The following PWP1 variants were observed in gnomAD, a reference collection of about 807,000 sequenced individuals.
PWP1 encodes periodic tryptophan protein 1 homolog.
A neutral mutation model predicts 69.9 loss-of-function variants in PWP1; 47 were observed. The observed-to-expected ratio is 0.67, with a 90% confidence interval of 0.53 to 0.86. The LOEUF (loss-of-function observed/expected upper bound fraction) is 0.86, where lower values mean the gene tolerates loss of function less well. PWP1 is among the 40% of genes least tolerant of loss of function. PWP1 has a pLI of 0.00. For synonymous variants in PWP1, 222 were observed against 208.2 expected (o/e 1.07, Z -0.57); for missense variants, 551 against 608.8 (o/e 0.91, Z 1.00).
Position 107,688,449 on chromosome 12 carries a change from T to G in PWP1, c.74T>G (p.Val25Gly), listed in dbSNP as rs1253688209. The stretch of plus-strand genomic sequence containing the variant: ...AATGAAATCTTTGCTCTCTTACAGG[T>G]AGAGCTGAGTAAAGAAGAAGTAAAA... ...CGVAKETPDK[V>G]ELSKEEVKRL... Residue 25 changes from valine to glycine, a missense_variant and splice_region_variant, in exon 2 of 15, where the codon GTA becomes GGA. Transcript: ENST00000412830. The G allele has an allele frequency of 6.8e-6, 11 of 1,613,500 alleles. No individual in the cohort carries two copies. The highest frequency in any genetic ancestry group is 8.5e-6 in the Non-Finnish European group (10 of 1,179,774).
At chr12:107,699,506 ATCTC>A in intron 8 of PWP1, 72 bp downstream of exon 8, 1 of 1,237,562 alleles carries the variant, frequency 8.1e-7, no homozygotes, top group Non-Finnish European at 1.2e-6. Flanking sequence ...GCCTACACTC[ATCTC>A]TTTATTTGTG....
Position 107,685,951 on chromosome 12 carries a change from G to A in PWP1, c.52G>A (p.Ala18Thr). The A allele has an allele frequency of 6.2e-7, 1 of 1,613,926 alleles. No homozygotes were observed. Residue 18 changes from alanine (A) to threonine (T), a missense_variant, in exon 1 of 15, where the codon GCC becomes ACC. Physicochemically the swap from Ala to Thr is moderately conservative, Grantham distance 58. Coordinates refer to ENST00000412830, the MANE Select transcript of PWP1 (RefSeq NM_007062.3). The part of the protein sequence containing the change: ...TCVAWVRCGV[A>T]KETPDKVELS... ...CGTGGCCTGGGTCCGCTGCGGCGTG[G>A]CCAAAGAGACACCAGACAAGGTGAG...
rs761273638 is a variant in PWP1 at position 107,696,603 on chromosome 12, G to A, written c.613+19G>A. On this transcript the variant is annotated intron_variant, in intron 6 of 14. Coordinates refer to ENST00000412830, the MANE Select transcript of PWP1 (RefSeq NM_007062.3). ...TCTACTGGTAATTAGAAAACTTAAG[G>A]TTGTTCAATGATTTCCAGTCTTATG... is the stretch of plus-strand genomic sequence containing the variant. 12 of 1,613,042 alleles carry A rather than the reference G, an allele frequency of 7.4e-6. No homozygotes were observed. Among genetic ancestry groups the A allele is most frequent in the Non-Finnish European group, 1.0e-5 (12 of 1,179,730 alleles).
intron 3 of PWP1, among the ~76,000 whole-genome samples, chr12:107,689,217 G>A (rs1363624942): frequency 6.6e-6 from 1 of 152,158 alleles, no homozygotes; most frequent in African/African-American, 2.4e-5. Context: ...ACAGTCAACT[G>A]CAGTCTGAAA....
At chr12:107,695,628 T>G (rs1312237598) in intron 5 of PWP1, among the ~76,000 whole-genome samples, 2 of 152,230 alleles carry the variant, frequency 1.3e-5, no homozygotes, top group Non-Finnish European at 2.9e-5. Context: ...CTGTGAATAT[T>G]AAGGAGCTGT....
In PWP1 at chr12:107,707,194, G is replaced by C. The variant is rs1448330606; in HGVS notation, c.1078-1732G>C. Among the ~76,000 whole-genome samples the C allele has an allele frequency of 9.4e-4, 142 of 150,798 alleles. 1 individual carries two copies. The highest frequency in any genetic ancestry group is 3.3e-3 in the African/African-American group (132 of 40,576). On this transcript the variant is annotated intron_variant, in intron 11 of 14. Coordinates refer to ENST00000412830, the MANE Select transcript of PWP1 (RefSeq NM_007062.3). The stretch of plus-strand genomic sequence containing the variant: ...ATGGGAGTTCACTCATGATTTGGCT[G>C]TTTGTCTATTATTGGTGTATAAGAA...
intron 3 of PWP1, among the ~76,000 whole-genome samples, chr12:107,692,531 G>A (rs1011242559): frequency 2.0e-5 from 3 of 152,190 alleles, no homozygotes; most frequent in Non-Finnish European, 4.4e-5. Context: ...AGAATCTCAA[G>A]AGAGTTCTCA....
intron 6 of PWP1, among the ~76,000 whole-genome samples, chr12:107,697,184 G>A (rs1435259359): frequency 6.6e-6 from 1 of 152,112 alleles, no homozygotes; most frequent in Non-Finnish European, 1.5e-5. Context: ...TTATATAAAT[G>A]AAAACACTGG....
chr12:107,694,910 C>G (rs1889553087), intron 5 of PWP1, among the ~76,000 whole-genome samples: 1 of 152,060 alleles, frequency 6.6e-6, no homozygotes, highest in Admixed American at 6.5e-5. Flanking sequence ...AATTTATATT[C>G]TAAAACTGAT....
intron 7 of PWP1, chr12:107,697,936 T>TTAA (rs752728105): frequency 2.7e-6 from 1 of 369,808 alleles, no homozygotes; most frequent in Non-Finnish European, 5.2e-6. Context: ...ACCTTGAACT[T>TTAA]TAAAAAAATT....
chr12:107,696,573 A>G lies in PWP1; in HGVS notation c.602A>G (p.Asp201Gly), dbSNP rs767984546. The stretch of plus-strand genomic sequence containing the variant: ...TGGCTGAATTTTGATCCTAGCCCAG[A>G]TGATTCTACTGGTAATTAGAAAACT... The part of the protein sequence containing the change: ...VEWLNFDPSP[D>G]DSTGNYIAVG... The change falls in exon 6 of 15, where the codon GAT (aspartate) becomes GGT (glycine). Residue 201 changes from aspartate to glycine, a missense_variant. By Grantham distance (94) the Asp-to-Gly change is moderately conservative. Transcript: ENST00000412830. 5 of 1,614,120 alleles carry G rather than the reference A, an allele frequency of 3.1e-6. No individual in the cohort carries two copies. The Admixed American group carries it at 6.7e-5, about 22-fold the overall frequency.
At chr12:107,698,811 T>C (rs1889644912) in intron 7 of PWP1, among the ~76,000 whole-genome samples, 1 of 152,176 alleles carries the variant, frequency 6.6e-6, no homozygotes, top group African/African-American at 2.4e-5. Flanking sequence ...TGGGCTGGTC[T>C]CGAACTCCCG....
At chr12:107,709,703 T>G (rs998517108) in intron 13 of PWP1, among the ~76,000 whole-genome samples, 2 of 152,112 alleles carry the variant, frequency 1.3e-5, no homozygotes, top group African/African-American at 4.8e-5. Flanking sequence ...AAATATTTAC[T>G]GAGCACCTAC....
At position 107,697,576 on chromosome 12, in the gene PWP1, G is replaced by T. The variant is rs1435877039; in HGVS notation, c.723G>T (p.Lys241Asn). The T allele has an allele frequency of 1.2e-6, 2 of 1,603,274 alleles. No homozygotes were observed. Among genetic ancestry groups the T allele is most frequent in the Admixed American group, 3.5e-5 (2 of 57,128 alleles). ...VFTLGSKLSK[K>N]KKKKGKKSSS... ...CACTCGGAAGTAAACTTTCAAAAAA[G>T]AAGAAAAAGAAAGGAAAGAAGGTAA... The change falls in exon 7 of 15, where the codon AAG becomes AAT. Residue 241 changes from lysine to asparagine, a missense_variant. Physicochemically the swap from Lys to Asn is moderately conservative, Grantham distance 94 (BLOSUM62 0). Transcript: ENST00000412830.
At chr12:107,704,948 G>A (rs1185469916) in intron 11 of PWP1, among the ~76,000 whole-genome samples, 1 of 151,996 alleles carries the variant, frequency 6.6e-6, no homozygotes, top group African/African-American at 2.4e-5. Flanking sequence ...AAATGATTTT[G>A]CTGGTTGCCG....
chr12:107,688,551 C>G, intron 2 of PWP1, 45 bp downstream of exon 2: 1 of 1,609,956 alleles, frequency 6.2e-7, no homozygotes, highest in Non-Finnish European at 8.5e-7. Context: ...ATGATGATGA[C>G]CATGTGGTCT....
intron 8 of PWP1, among the ~76,000 whole-genome samples, chr12:107,700,637 G>T (rs2136280034): frequency 6.6e-6 from 1 of 152,248 alleles, no homozygotes; most frequent in South Asian, 2.1e-4. Context: ...ATGAATGTGG[G>T]TGTACAAATA....
chr12:107,699,994 A>G (rs1889674372), intron 8 of PWP1, among the ~76,000 whole-genome samples: 1 of 152,058 alleles, frequency 6.6e-6, no homozygotes, highest in Non-Finnish European at 1.5e-5. Context: ...CATGTCTTAT[A>G]TAGTGGCAGG....
Position 107,704,742 on chromosome 12 carries a change from T to C in PWP1, c.1072T>C (p.Phe358Leu). 1 of 1,613,172 alleles carries C rather than the reference T, an allele frequency of 6.2e-7. No individual in the cohort carries two copies. The highest frequency in any genetic ancestry group is 1.1e-5 in the South Asian group (1 of 91,058). ...VTWNHFSPCH[F>L]LASTDDGFVY... ...TTGGAATCACTTTTCACCTTGTCAT[T>C]TCTTGGTAAGAGTACGAATGTTGTT... The change falls in exon 11 of 15, where the codon TTC becomes CTC. Residue 358 changes from phenylalanine to leucine, a missense_variant. Phe to Leu is a conservative substitution (Grantham distance 22, BLOSUM62 0). Transcript: ENST00000412830.
Sources: allele counts gnomAD v4.1 joint callset (sites outside exome capture counted in the v4.1 genomes callset), GRCh38; gene constraint gnomAD v4.1.1; transcripts MANE v1.5; gene names NCBI Gene and HGNC (gene_info 2026-07-23, HGNC 2026-07-21).